Variants in MYBPC1 observed in about 807,000 individuals in gnomAD.
MYBPC1 encodes the protein myosin-binding protein C, slow-type.
MYBPC1 carries 52 observed loss-of-function variants against 147.1 expected under a neutral mutation model. That is an observed-to-expected ratio of 0.35 (90% CI 0.28 to 0.45). The LOEUF is 0.45. MYBPC1 is among the 20% of genes least tolerant of loss of function. The pLI is 1.00. For synonymous variants in MYBPC1, 477 were observed against 475.9 expected (o/e 1.00, Z -0.03); for missense variants, 1,228 against 1,440.3 (o/e 0.85, Z 2.39).
intron 26 of MYBPC1, among the ~76,000 whole-genome samples, chr12:101,676,041 C>G (rs1051542394): frequency 1.2e-4 from 19 of 152,208 alleles, no homozygotes; most frequent in Admixed American, 7.9e-4. Context: ...TTGAATGCAG[C>G]CCAACACATA....
At chr12:101,680,573 A>G (rs1594084337) in intron 29 of MYBPC1, 44 bp downstream of exon 29, 2 of 1,599,946 alleles carry the variant, frequency 1.3e-6, no homozygotes, top group East Asian at 2.2e-5. Flanking sequence ...GTTAAAGAAA[A>G]TCATTGAATT....
At chr12:101,638,629 A>G (rs1891440359) in intron 10 of MYBPC1, among the ~76,000 whole-genome samples, 1 of 152,242 alleles carries the variant, frequency 6.6e-6, no homozygotes, top group Non-Finnish European at 1.5e-5. Flanking sequence ...ATCAATCAAC[A>G]AAAATGTGAT....
At chr12:101,607,585 T>A (rs967659170) in intron 1 of MYBPC1, among the ~76,000 whole-genome samples, 1 of 152,146 alleles carries the variant, frequency 6.6e-6, no homozygotes, top group Non-Finnish European at 1.5e-5. Context: ...AGAACTAGAA[T>A]CATAACATTT....
At chr12:101,680,628 A>G in intron 29 of MYBPC1, 99 bp downstream of exon 29, 1 of 1,469,186 alleles carries the variant, frequency 6.8e-7, no homozygotes, top group Non-Finnish European at 9.4e-7. Context: ...TGCTTGCCAA[A>G]ATGCTGCAGC....
chr12:101,636,878 A>T, intron 10 of MYBPC1, 150 bp downstream of exon 10: 1 of 673,676 alleles, frequency 1.5e-6, no homozygotes, highest in Non-Finnish European at 2.6e-6. Context: ...AGTTGACTAG[A>T]AAGAGAGAAA....
chr12:101,652,627 T>C (rs1316638882), intron 16 of MYBPC1, 51 bp from the exon 17 acceptor site: 1 of 1,349,514 alleles, frequency 7.4e-7, no homozygotes, highest in Non-Finnish European at 1.1e-6. Context: ...TTGGGTCATA[T>C]ATAAACTAGA....
intron 1 of MYBPC1, among the ~76,000 whole-genome samples, chr12:101,611,213 ATGTT>A (rs1884171279): frequency 2.6e-5 from 4 of 152,210 alleles, no homozygotes; most frequent in African/African-American, 9.6e-5. Context: ...ATATCCTATA[ATGTT>A]TCTGCCATTC....
At chr12:101,648,779 A>G (rs1304940826) in intron 14 of MYBPC1, among the ~76,000 whole-genome samples, 2 of 152,202 alleles carry the variant, frequency 1.3e-5, no homozygotes, top group Non-Finnish European at 2.9e-5. Flanking sequence ...ATGTTTTCTC[A>G]GGTTCCTTGT....
intron 29 of MYBPC1, among the ~76,000 whole-genome samples, chr12:101,681,688 G>C (rs1328643237): frequency 7.5e-6 from 1 of 132,592 alleles, no homozygotes; most frequent in Non-Finnish European, 1.5e-5. Flanking sequence ...AGCTCACTGC[G>C]ACCTCTGCCT....
chr12:101,641,554 T>C (rs1028098837), intron 10 of MYBPC1, among the ~76,000 whole-genome samples: 1 of 152,228 alleles, frequency 6.6e-6, no homozygotes, highest in East Asian at 1.9e-4. Flanking sequence ...TGATCAAAAG[T>C]TGGGGTCATA....
At chr12:101,674,177 T>C (rs916020883) in intron 25 of MYBPC1, among the ~76,000 whole-genome samples, 2 of 152,214 alleles carry the variant, frequency 1.3e-5, no homozygotes, top group African/African-American at 2.4e-5. Flanking sequence ...TTTAGTGAAA[T>C]CCTTCTGCAC....
chr12:101,598,939 A>G (rs902012235), intron 1 of MYBPC1, among the ~76,000 whole-genome samples: 2 of 152,210 alleles, frequency 1.3e-5, no homozygotes, highest in Admixed American at 6.5e-5. Flanking sequence ...CACTGAGTTG[A>G]GGCCTTAACA....
intron 17 of MYBPC1, 70 bp from the exon 18 acceptor site, chr12:101,653,045 G>C: frequency 6.4e-7 from 1 of 1,561,362 alleles, no homozygotes; most frequent in Non-Finnish European, 8.8e-7. Context: ...CATCATACTA[G>C]CCAAACATTA....
At chr12:101,662,294 A>G (rs1896707377) in intron 20 of MYBPC1, 64 bp from the exon 21 acceptor site, 1 of 1,549,722 alleles carries the variant, frequency 6.5e-7, no homozygotes, top group Non-Finnish European at 8.8e-7. Flanking sequence ...GACTTCTATT[A>G]TCTGACAATG....
chr12:101,670,381 A>G lies in MYBPC1; in HGVS notation c.2585A>G (p.Glu862Gly). The G allele has an allele frequency of 6.2e-7, 1 of 1,614,038 alleles. No individual in the cohort carries two copies. The highest frequency in any genetic ancestry group is 8.5e-7 in the Non-Finnish European group (1 of 1,179,918). The change falls in exon 24 of 32, where the codon GAA (glutamate) becomes GGA (glycine). Residue 862 changes from glutamate (E) to glycine (G), a missense_variant. Glu to Gly is a moderately conservative substitution (Grantham distance 98, BLOSUM62 -2). Around this residue, in one of 2 missense-constraint regions of MYBPC1, gnomAD observed 1,077 missense variants for 1,314.2 expected, o/e 0.82. Coordinates refer to ENST00000361466, the MANE Select transcript of MYBPC1 (RefSeq NM_002465.4). Reference protein sequence around the residue: ...LKQTYIRRVGEAVNLVIPFQG... With the variant: ...LKQTYIRRVGGAVNLVIPFQG... The stretch of plus-strand genomic sequence containing the variant: ...CAAACCTATATCCGCAGAGTTGGAG[A>G]AGCTGTCAATCTGGTTATACCTTTC...
intron 3 of MYBPC1, among the ~76,000 whole-genome samples, chr12:101,619,467 A>G (rs1271595341): frequency 1.3e-5 from 2 of 152,198 alleles, no homozygotes; most frequent in Non-Finnish European, 1.5e-5. Flanking sequence ...TCTGGCAGAG[A>G]GCTGCACATA....
At chr12:101,622,849 A>G (rs1373156113) in intron 3 of MYBPC1, among the ~76,000 whole-genome samples, 1 of 152,222 alleles carries the variant, frequency 6.6e-6, no homozygotes, top group Non-Finnish European at 1.5e-5. Flanking sequence ...AATGAATCCA[A>G]GATTGCCAAT....
chr12:101,608,675 C>T (rs1311987961), intron 1 of MYBPC1, among the ~76,000 whole-genome samples: 7 of 152,144 alleles, frequency 4.6e-5, no homozygotes, highest in South Asian at 2.1e-4. Flanking sequence ...ACAGGTTCCT[C>T]GACACAAGTT....
In MYBPC1 at chr12:101,634,444, C is replaced by G. The variant is rs181488415; in HGVS notation, c.557-110C>G. On this transcript the variant is annotated intron_variant, in intron 8 of 31. Coordinates refer to ENST00000361466, the MANE Select transcript of MYBPC1 (RefSeq NM_002465.4). Reference sequence around the variant, plus strand: ...AGCCATTCAGGAGAAAAGCCTCCCCCCTTCACCTGACATTCTTCCATCTAA... The same window carrying G: ...AGCCATTCAGGAGAAAAGCCTCCCCGCTTCACCTGACATTCTTCCATCTAA... The G allele has an allele frequency of 6.8e-4, 595 of 880,668 alleles. 1 individual carries two copies. The highest frequency in any genetic ancestry group is 6.7e-3 in the African/African-American group (405 of 60,526). 54.6% of individuals were successfully genotyped at this position (880,668 alleles called of 1,614,324 possible).
Sources: gnomAD v4.1 joint callset for allele counts (sites outside exome capture counted in the v4.1 genomes callset) on GRCh38, gnomAD v4.1.1 for gene constraint, gnomAD v4.1.1 regional missense constraint, MANE v1.5 for transcripts, NCBI Gene and HGNC (gene_info 2026-07-23, HGNC 2026-07-21) for gene names.